ARHGAP15: variants seen among roughly 807,000 people sequenced by gnomAD.
The protein encoded by ARHGAP15 is Rho GTPase activating protein 15, also known as rho GTPase-activating protein 15.
Under a neutral mutation model 63.7 loss-of-function variants are expected in ARHGAP15, and 51 were observed. The ratio of observed to expected loss-of-function variants is 0.80; its 90% CI spans 0.64 to 1.01. ARHGAP15 has a LOEUF of 1.01. Among genes scored for constraint, ARHGAP15 ranks in the 50% least tolerant of loss-of-function variants. The probability of loss-of-function intolerance (pLI) is 0.00; values close to 1 mark genes in which losing one functional copy is unlikely to be tolerated. For missense variants in ARHGAP15, 560 were observed against 564.6 expected, an observed-to-expected ratio of 0.99 and a Z score of 0.08; for synonymous variants, 191 against 193.8, an observed-to-expected ratio of 0.99 and a Z score of 0.12.
intron 10 of ARHGAP15, among the ~76,000 whole-genome samples, chr2:143,541,515 C>G (rs550983624): frequency 3.8e-4 from 58 of 152,196 alleles, no homozygotes; most frequent in African/African-American, 1.3e-3. Context: ...GTTTTATCTA[C>G]CTTTGGTCTT....
intron 12 of ARHGAP15, among the ~76,000 whole-genome samples, chr2:143,633,964 C>T (rs1680174768): frequency 6.6e-6 from 1 of 152,082 alleles, no homozygotes; most frequent in African/African-American, 2.4e-5. Flanking sequence ...TCTCCTATTT[C>T]CCATATTCAT....
At chr2:143,597,498 C>T (rs1574683223) in intron 11 of ARHGAP15, among the ~76,000 whole-genome samples, 1 of 151,996 alleles carries the variant, frequency 6.6e-6, no homozygotes, top group South Asian at 2.1e-4. Flanking sequence ...AGATGCCAGT[C>T]GCCAGCTTGA....
intron 1 of ARHGAP15, among the ~76,000 whole-genome samples, chr2:143,132,186 A>C (rs1228858707): frequency 1.3e-5 from 2 of 152,240 alleles, no homozygotes; most frequent in African/African-American, 2.4e-5. Context: ...TTAGACTTTA[A>C]AATGCCCTTG....
At position 143,768,113 on chromosome 2, in the gene ARHGAP15, C is replaced by A. The variant is rs145493919; in HGVS notation, c.1369C>A (p.Gln457Lys). 3.6e-5 allele frequency: 58 copies of A among 1,613,706 alleles called. No homozygotes were observed. The Middle Eastern group carries it at 6.6e-4, about 18-fold the overall frequency. ...GGCGATCCACATGGTCTACCAGAAC[C>A]AGATAGCTGAGCTCATGCTGAGTGA... Reference protein sequence around the residue: ...NMAIHMVYQNQIAELMLSEYS... With the variant: ...NMAIHMVYQNKIAELMLSEYS... Residue 457 changes from glutamine (Q) to lysine (K), a missense_variant, in exon 14 of 14, where the codon CAG (glutamine) becomes AAG (lysine). Physicochemically the swap from Gln to Lys is moderately conservative, Grantham distance 53 (BLOSUM62 1). Coordinates refer to ENST00000295095, the MANE Select transcript of ARHGAP15 (RefSeq NM_018460.4).
intron 11 of ARHGAP15, among the ~76,000 whole-genome samples, chr2:143,609,149 C>T (rs769330494): frequency 2.7e-5 from 4 of 150,744 alleles, no homozygotes; most frequent in Non-Finnish European, 4.4e-5. Context: ...ATTCAGAAAT[C>T]CACAGTCAAA....
chr2:143,504,426 A>AC (rs1247225001), intron 9 of ARHGAP15, among the ~76,000 whole-genome samples: 1 of 152,040 alleles, frequency 6.6e-6, no homozygotes, highest in Non-Finnish European at 1.5e-5. Context: ...TCACCTCCAT[A>AC]CCCCCAAAAC....
Position 143,677,390 on chromosome 2 carries a change from C to G in ARHGAP15, c.1139-26029C>G, listed in dbSNP as rs952129277. On this transcript the variant is annotated intron_variant, in intron 12 of 13. Transcript: ENST00000295095. ...TTGGTTGTTGGAACCCTCACCCCTACTTGCATACGGCTTTTCTGGATTTTC... is the reference window on the plus strand; with the variant it reads ...TTGGTTGTTGGAACCCTCACCCCTAGTTGCATACGGCTTTTCTGGATTTTC... Among the ~76,000 whole-genome samples the G allele has an allele frequency of 9.9e-5, 15 of 152,148 alleles. No individual in the cohort carries two copies. The South Asian group carries it at 1.5e-3, about 15-fold the overall frequency.
chr2:143,254,234 T>C (rs1442228772), intron 6 of ARHGAP15, among the ~76,000 whole-genome samples: 1 of 152,084 alleles, frequency 6.6e-6, no homozygotes, highest in Non-Finnish European at 1.5e-5. Context: ...TACAGAGAGA[T>C]AGTTGTAATA....
intron 13 of ARHGAP15, among the ~76,000 whole-genome samples, chr2:143,767,407 T>G (rs2072955543): frequency 6.6e-6 from 1 of 152,208 alleles, no homozygotes; most frequent in Non-Finnish European, 1.5e-5. Flanking sequence ...ATTCTGCATT[T>G]TATTGTGGCA....
At chr2:143,582,295 G>A (rs1696938183) in intron 11 of ARHGAP15, among the ~76,000 whole-genome samples, 1 of 152,154 alleles carries the variant, frequency 6.6e-6, no homozygotes, top group African/African-American at 2.4e-5. Context: ...GCTGATCTCT[G>A]TCGGTTAGTG....
intron 6 of ARHGAP15, among the ~76,000 whole-genome samples, chr2:143,423,435 C>A (rs759454224): frequency 1.3e-5 from 2 of 152,102 alleles, no homozygotes; most frequent in Non-Finnish European, 2.9e-5. Context: ...TTCTATACCC[C>A]TTTATTGAGA....
chr2:143,340,811 GA>G (rs1444570641), intron 6 of ARHGAP15, among the ~76,000 whole-genome samples: 5 of 152,034 alleles, frequency 3.3e-5, no homozygotes, highest in Non-Finnish European at 5.9e-5. Flanking sequence ...GCACACAATG[GA>G]AAAGTACGCT....
chr2:143,525,041 T>C (rs192204075), intron 10 of ARHGAP15, among the ~76,000 whole-genome samples: 80 of 152,302 alleles, frequency 5.3e-4, no homozygotes, highest in South Asian at 1.9e-3. Context: ...TGTTTCCCGT[T>C]GCCTTTGAAT....
At chr2:143,505,814 G>A (rs1693287376) in intron 9 of ARHGAP15, among the ~76,000 whole-genome samples, 1 of 152,174 alleles carries the variant, frequency 6.6e-6, no homozygotes, top group Non-Finnish European at 1.5e-5. Context: ...ACTAAAGAAT[G>A]CCTTTAACAG....
intron 8 of ARHGAP15, among the ~76,000 whole-genome samples, chr2:143,462,357 GA>G (rs959738660): frequency 8.6e-5 from 13 of 151,640 alleles, no homozygotes; most frequent in African/African-American, 3.1e-4. Context: ...AACTATTGGG[GA>G]AAAAAAATAA....
At chr2:143,134,196 CCTATCTAT>C (rs566644316) in intron 1 of ARHGAP15, among the ~76,000 whole-genome samples, 58 of 149,364 alleles carry the variant, frequency 3.9e-4, no homozygotes, top group African/African-American at 1.5e-3. Context: ...TATCTATCTA[CCTATCTAT>C]CTATCACACA....
chr2:143,189,357 G>A (rs1319265780), intron 2 of ARHGAP15, among the ~76,000 whole-genome samples: 1 of 152,070 alleles, frequency 6.6e-6, no homozygotes, highest in Admixed American at 6.6e-5. Context: ...TTCAGTCAGA[G>A]GCTCATATCG....
At chr2:143,681,393 T>C (rs1050219341) in intron 12 of ARHGAP15, among the ~76,000 whole-genome samples, 1 of 152,180 alleles carries the variant, frequency 6.6e-6, no homozygotes, top group Non-Finnish European at 1.5e-5. Context: ...GATTTGTGGG[T>C]AAAATGAGGA....
intron 12 of ARHGAP15, among the ~76,000 whole-genome samples, chr2:143,654,052 G>C (rs147472410): frequency 3.5e-4 from 54 of 152,292 alleles, no homozygotes; most frequent in African/African-American, 1.2e-3. Flanking sequence ...ACTGGGGCTA[G>C]GGAGTCAGTG....
Sources: allele counts gnomAD v4.1 joint callset (sites outside exome capture counted in the v4.1 genomes callset), GRCh38; gene constraint gnomAD v4.1.1; transcripts MANE v1.5; gene names NCBI Gene and HGNC (gene_info 2026-07-23, HGNC 2026-07-21).